The following EPHA6 variants were observed in gnomAD, a reference collection of about 807,000 sequenced individuals.
EPHA6 encodes ephrin type-A receptor 6.
In EPHA6, 50 loss-of-function variants were observed where a neutral mutation model predicts 112.0. The ratio of observed to expected loss-of-function variants is 0.45; its 90% confidence interval spans 0.36 to 0.56. The LOEUF is 0.56. Among genes scored for constraint, EPHA6 ranks in the 20% least tolerant of loss-of-function variants. EPHA6 has a pLI of 0.00. For synonymous variants in EPHA6, 529 were observed against 490.7 expected (o/e 1.08, Z -1.03); for missense variants, 1,280 against 1,417.4 (o/e 0.90, Z 1.56).
intron 7 of EPHA6, among the ~76,000 whole-genome samples, chr3:97,468,585 C>T (rs2091134017): frequency 6.6e-6 from 1 of 151,300 alleles, no homozygotes; most frequent in African/African-American, 2.4e-5. Context: ...AAAGCCTAGG[C>T]AGGGATATTT....
intron 3 of EPHA6, among the ~76,000 whole-genome samples, chr3:97,023,971 C>T (rs866808512): frequency 4.5e-4 from 68 of 152,140 alleles, no homozygotes; most frequent in African/African-American, 1.6e-3. Flanking sequence ...TCACAGAATT[C>T]ACAATCTCCG....
intron 5 of EPHA6, among the ~76,000 whole-genome samples, chr3:97,260,973 T>C (rs2108618728): frequency 6.6e-6 from 1 of 152,328 alleles, no homozygotes; most frequent in South Asian, 2.1e-4. Flanking sequence ...CCACAGTGTT[T>C]AATAGCTTTG....
At chr3:97,703,386 A>C (rs747950015) in intron 14 of EPHA6, among the ~76,000 whole-genome samples, 1 of 152,214 alleles carries the variant, frequency 6.6e-6, no homozygotes, top group Non-Finnish European at 1.5e-5. Flanking sequence ...GTATTTTCCT[A>C]CAAGTAGGTA....
At chr3:97,156,740 T>C (rs1468226065) in intron 3 of EPHA6, among the ~76,000 whole-genome samples, 1 of 152,150 alleles carries the variant, frequency 6.6e-6, no homozygotes, top group Non-Finnish European at 1.5e-5. Context: ...ACATTGCTTG[T>C]TTTACTCTTA....
chr3:97,636,572 A>G (rs1416133510), intron 13 of EPHA6, among the ~76,000 whole-genome samples: 1 of 152,078 alleles, frequency 6.6e-6, no homozygotes, highest in Non-Finnish European at 1.5e-5. Flanking sequence ...GAGAGCTATC[A>G]GAGAGATAAG....
In EPHA6 at chr3:97,338,423, A is replaced by C. The variant is rs113960837; in HGVS notation, c.1607-66727A>C. 3.4e-3 allele frequency among the ~76,000 whole-genome samples: 513 copies of C among 152,210 alleles called. 4 individuals are homozygous for C. Among genetic ancestry groups the C allele is most frequent in the African/African-American group, 0.011 (470 of 41,536 alleles). On this transcript the variant is annotated intron_variant, in intron 5 of 17. Coordinates refer to ENST00000389672, the MANE Select transcript of EPHA6 (RefSeq NM_001080448.3). ...TGTGAGCATCTACCCAGATCACCAG[A>C]TCATATGGCTACATTTTTGTTTATT...
chr3:96,982,780 GTTGAA>G (rs2042851508), intron 2 of EPHA6, among the ~76,000 whole-genome samples: 1 of 152,176 alleles, frequency 6.6e-6, no homozygotes, highest in Non-Finnish European at 1.5e-5. Context: ...AGCTCTTCTT[GTTGAA>G]TTGATCCCTT....
chr3:97,076,777 T>C (rs1446281515), intron 3 of EPHA6, among the ~76,000 whole-genome samples: 1 of 152,134 alleles, frequency 6.6e-6, no homozygotes, highest in Non-Finnish European at 1.5e-5. Context: ...AGTGCTCATT[T>C]GCTATTCCAA....
intron 14 of EPHA6, among the ~76,000 whole-genome samples, chr3:97,640,173 G>T (rs933096898): frequency 2.0e-4 from 30 of 152,098 alleles, no homozygotes; most frequent in Admixed American, 1.8e-3. Flanking sequence ...GCTGAAGAAG[G>T]CGTCACAAAA....
chr3:97,288,131 A>G (rs1179658472), intron 5 of EPHA6, among the ~76,000 whole-genome samples: 1 of 152,152 alleles, frequency 6.6e-6, no homozygotes, highest in East Asian at 1.9e-4. Context: ...CAGGTTTCTT[A>G]CATGGGTATA....
At chr3:97,647,306 T>C (rs1386662348) in intron 14 of EPHA6, among the ~76,000 whole-genome samples, 2 of 151,988 alleles carry the variant, frequency 1.3e-5, no homozygotes, top group Non-Finnish European at 2.9e-5. Context: ...ATAGTAAAAC[T>C]CATATATTGT....
intron 4 of EPHA6, among the ~76,000 whole-genome samples, chr3:97,238,922 T>C (rs150385737): frequency 3.3e-5 from 5 of 152,016 alleles, no homozygotes; most frequent in Non-Finnish European, 1.5e-5. Context: ...AAATGAATGG[T>C]ATTTGGTCTA....
At chr3:97,746,607 A>G (rs939804700) in intron 16 of EPHA6, among the ~76,000 whole-genome samples, 2 of 151,794 alleles carry the variant, frequency 1.3e-5, no homozygotes, top group African/African-American at 4.8e-5. Flanking sequence ...ATGTGTATGT[A>G]ATGTATATAT....
At chr3:97,715,934 T>C (rs900291870) in intron 14 of EPHA6, among the ~76,000 whole-genome samples, 1 of 152,240 alleles carries the variant, frequency 6.6e-6, no homozygotes, top group Non-Finnish European at 1.5e-5. Flanking sequence ...TGTTTTTCTT[T>C]TGTTCCCTAA....
intron 5 of EPHA6, among the ~76,000 whole-genome samples, chr3:97,344,705 T>C (rs1411989834): frequency 6.6e-6 from 1 of 152,202 alleles, no homozygotes; most frequent in Non-Finnish European, 1.5e-5. Flanking sequence ...CCATTGTCAG[T>C]ACGTGATATT....
chr3:97,329,874 A>G (rs1236598691), intron 5 of EPHA6, among the ~76,000 whole-genome samples: 1 of 151,986 alleles, frequency 6.6e-6, no homozygotes, highest in African/African-American at 2.4e-5. Context: ...TTGGTGTTTT[A>G]GACATGAAGT....
intron 3 of EPHA6, among the ~76,000 whole-genome samples, chr3:96,993,865 T>C (rs1400047263): frequency 1.3e-5 from 2 of 152,202 alleles, no homozygotes; most frequent in African/African-American, 2.4e-5. Flanking sequence ...CTTGAATGAA[T>C]TTGAGACCTC....
intron 6 of EPHA6, among the ~76,000 whole-genome samples, chr3:97,412,256 G>A (rs1357673974): frequency 2.0e-5 from 3 of 152,056 alleles, no homozygotes; most frequent in Non-Finnish European, 4.4e-5. Context: ...TAGAATTTCA[G>A]TCCCAGCCTG....
chr3:97,013,452 T>C (rs1312705284), intron 3 of EPHA6, among the ~76,000 whole-genome samples: 1 of 152,176 alleles, frequency 6.6e-6, no homozygotes, highest in Admixed American at 6.5e-5. Context: ...ATCCTAGATA[T>C]ATGTTTATTA....
Sources: allele counts gnomAD v4.1 joint callset (sites outside exome capture counted in the v4.1 genomes callset), GRCh38; gene constraint gnomAD v4.1.1; transcripts MANE v1.5; gene names NCBI Gene and HGNC (gene_info 2026-07-23, HGNC 2026-07-21).